ADAMTSL1: variants seen among roughly 807,000 people sequenced by gnomAD.
ADAMTSL1 encodes ADAMTS-like protein 1.
ADAMTSL1 carries 126 observed loss-of-function variants against 201.8 expected under a neutral mutation model. That is an observed-to-expected ratio of 0.62 (90% CI 0.54 to 0.72). ADAMTSL1 has a LOEUF of 0.72. Among genes scored for constraint, ADAMTSL1 ranks in the 30% least tolerant of loss-of-function variants. ADAMTSL1 has a pLI of 0.00. For missense variants in ADAMTSL1, 2,679 were observed against 2,277.8 expected (o/e 1.18, Z -3.59); for synonymous variants, 1,121 against 903.4 (o/e 1.24, Z -4.32).
At chr9:18,816,003 G>A (rs1282157090) in intron 20 of ADAMTSL1, among the ~76,000 whole-genome samples, 7 of 152,168 alleles carry the variant, frequency 4.6e-5, no homozygotes, top group East Asian at 1.9e-4. Flanking sequence ...TTTGTGGTCA[G>A]GACATTCAAA....
At chr9:18,666,921 A>T (rs576708610) in intron 9 of ADAMTSL1, among the ~76,000 whole-genome samples, 2 of 151,936 alleles carry the variant, frequency 1.3e-5, no homozygotes, top group South Asian at 4.2e-4. Context: ...ACTTTGTGAG[A>T]CAATCAGAGA....
At chr9:18,004,913 C>T (rs1007511200) in intron 1 of ADAMTSL1, among the ~76,000 whole-genome samples, 1 of 152,026 alleles carries the variant, frequency 6.6e-6, no homozygotes, top group African/African-American at 2.4e-5. Context: ...ATATCTAATT[C>T]TACCATTCAT....
rs566693579 is a variant in ADAMTSL1, at chr9:18,862,874, T to TA, written c.4250-24949dup. Among the ~76,000 whole-genome samples, 122 of 152,164 alleles carry TA rather than the reference T, an allele frequency of 8.0e-4. 1 individual carries two copies. The South Asian group carries it at 8.3e-3, about 10-fold the overall frequency. ...TTATAAACCCAGAAAGTTGAAACTT[T>TA]AAAAAAAATGCTGATGTGTTTTTAA... On this transcript the variant is annotated intron_variant, in intron 23 of 28. Coordinates refer to ENST00000380548, the MANE Select transcript of ADAMTSL1 (RefSeq NM_001040272.6).
chr9:18,205,437 G>A (rs532007576), intron 2 of ADAMTSL1, among the ~76,000 whole-genome samples: 2 of 151,878 alleles, frequency 1.3e-5, no homozygotes, highest in South Asian at 2.1e-4. Context: ...AATAAATACA[G>A]TAATGGATTT....
In ADAMTSL1 at chr9:17,916,260, C is replaced by T. The variant is rs530797221; in HGVS notation, c.87+9338C>T. Among the ~76,000 whole-genome samples the T allele has an allele frequency of 1.6e-4, 24 of 152,288 alleles. 1 individual carries two copies. The highest frequency in any genetic ancestry group is 2.2e-4 in the African/African-American group (9 of 41,568). On this transcript the variant is annotated intron_variant, in intron 1 of 29. Transcript: ENST00000680146. Reference sequence around the variant, plus strand: ...CAGATGTGTGATTTGCAAATATTTTCTTCCAGTCTGTGGCCTGTCTTTTCA... The same window carrying T: ...CAGATGTGTGATTTGCAAATATTTTTTTCCAGTCTGTGGCCTGTCTTTTCA...
chr9:18,280,216 G>A (rs752819599), intron 2 of ADAMTSL1, among the ~76,000 whole-genome samples: 1 of 152,020 alleles, frequency 6.6e-6, no homozygotes, highest in Non-Finnish European at 1.5e-5. Context: ...CTGATGCTGG[G>A]GTGGGTCTGA....
intron 2 of ADAMTSL1, among the ~76,000 whole-genome samples, chr9:18,207,922 C>G (rs1587313444): frequency 1.3e-5 from 2 of 152,146 alleles, no homozygotes; most frequent in East Asian, 3.9e-4. Context: ...TGATTTGGCT[C>G]TAGAGAGAAG....
intron 2 of ADAMTSL1, among the ~76,000 whole-genome samples, chr9:18,248,212 T>G (rs1399740121): frequency 2.0e-5 from 3 of 152,198 alleles, no homozygotes; most frequent in Non-Finnish European, 4.4e-5. Context: ...TTGCTCATTC[T>G]GTATGGCAGT....
At chr9:18,379,068 G>A (rs2133170181) in intron 2 of ADAMTSL1, among the ~76,000 whole-genome samples, 1 of 152,296 alleles carries the variant, frequency 6.6e-6, no homozygotes, top group East Asian at 1.9e-4. Context: ...CTGTAAGGAA[G>A]GAGGCAGTGT....
chr9:18,099,357 T>A (rs12236662), intron 1 of ADAMTSL1, among the ~76,000 whole-genome samples: 1,260 of 56,882 alleles, frequency 0.022, 98 homozygotes, highest in African/African-American at 0.093. Flanking sequence ...ATATATATAT[T>A]TTTTTTTTTT....
At chr9:18,272,857 C>A (rs182576028) in intron 2 of ADAMTSL1, among the ~76,000 whole-genome samples, 1 of 152,310 alleles carries the variant, frequency 6.6e-6, no homozygotes, top group East Asian at 1.9e-4. Flanking sequence ...TCTTTGAGCT[C>A]ATAGCAGTTA....
intron 1 of ADAMTSL1, among the ~76,000 whole-genome samples, chr9:17,983,978 T>G (rs893124740): frequency 2.0e-5 from 3 of 152,150 alleles, no homozygotes; most frequent in African/African-American, 7.2e-5. Flanking sequence ...ATGAGATTAA[T>G]AAGTTAAATT....
At chr9:18,241,380 T>C (rs993325073) in intron 2 of ADAMTSL1, among the ~76,000 whole-genome samples, 1 of 152,188 alleles carries the variant, frequency 6.6e-6, no homozygotes, top group Non-Finnish European at 1.5e-5. Flanking sequence ...CACCTACCTG[T>C]ATTCTTGATC....
Position 18,728,397 on chromosome 9 carries a change from T to TC in ADAMTSL1, c.2006+6732_2006+6733insC, listed in dbSNP as rs1587998006. Among the ~76,000 whole-genome samples the TC allele has an allele frequency of 2.6e-5, 4 of 152,252 alleles. No homozygotes were observed. The East Asian group carries it at 7.7e-4, about 29-fold the overall frequency. Reference sequence around the variant, plus strand: ...CTGGGAAATGTCTTTATATAGACCGTTGGTTAACGTTAACTTTCTGCACAA... The same window carrying TC: ...CTGGGAAATGTCTTTATATAGACCGTCTGGTTAACGTTAACTTTCTGCACAA... On this transcript the variant is annotated intron_variant, in intron 15 of 28. Transcript: ENST00000380548.
intron 2 of ADAMTSL1, among the ~76,000 whole-genome samples, chr9:18,181,853 CATT>C (rs1454444842): frequency 2.0e-5 from 3 of 152,070 alleles, no homozygotes; most frequent in Admixed American, 2.0e-4. Flanking sequence ...TTTATTGCGG[CATT>C]ATTCACAATA....
chr9:17,907,364 C>T (rs1825756949), intron 1 of ADAMTSL1, among the ~76,000 whole-genome samples: 1 of 152,214 alleles, frequency 6.6e-6, no homozygotes, highest in African/African-American at 2.4e-5. Flanking sequence ...TCCACACTTC[C>T]GCCCTTCTGC....
intron 7 of ADAMTSL1, among the ~76,000 whole-genome samples, chr9:18,646,327 A>G (rs1487171257): frequency 6.6e-6 from 1 of 152,192 alleles, no homozygotes; most frequent in East Asian, 1.9e-4. Context: ...CAATCATGTC[A>G]TCTTCAAACA....
intron 2 of ADAMTSL1, among the ~76,000 whole-genome samples, chr9:18,223,625 C>T (rs1830340904): frequency 6.6e-6 from 1 of 151,972 alleles, no homozygotes; most frequent in Admixed American, 6.6e-5. Context: ...TTAGTTAGTT[C>T]TAATAATATC....
At chr9:18,579,855 C>T (rs1409878567) in intron 4 of ADAMTSL1, among the ~76,000 whole-genome samples, 3 of 152,114 alleles carry the variant, frequency 2.0e-5, no homozygotes, top group African/African-American at 7.2e-5. Flanking sequence ...CAAATTACCC[C>T]TATTTATATT....
Sources: gnomAD v4.1 joint callset for allele counts (sites outside exome capture counted in the v4.1 genomes callset) on GRCh38, gnomAD v4.1.1 for gene constraint, MANE v1.5 for transcripts, NCBI Gene and HGNC (gene_info 2026-07-23, HGNC 2026-07-21) for gene names.